SERINC2: variants seen among roughly 807,000 people sequenced by gnomAD.
SERINC2 encodes serine incorporator 2, also known as tumor differentially expressed protein 2.
Under a neutral mutation model 54.2 loss-of-function variants are expected in SERINC2, and 56 were observed. That is an observed-to-expected ratio of 1.03 (90% CI 0.83 to 1.29). SERINC2 has a LOEUF of 1.29. Among genes scored for constraint, SERINC2 ranks in the 50% most tolerant of loss-of-function variants. SERINC2 has a pLI of 0.00. For synonymous variants in SERINC2, 272 were observed against 253.1 expected (o/e 1.07, Z -0.71); for missense variants, 614 against 607.4 (o/e 1.01, Z -0.12).
At chr1:31,418,209 C>T (rs1323634157) in intron 1 of SERINC2, among the ~76,000 whole-genome samples, 1 of 152,100 alleles carries the variant, frequency 6.6e-6, no homozygotes, top group African/African-American at 2.4e-5. Flanking sequence ...TATGGATATA[C>T]CACATTTTGT....
At chr1:31,421,126 G>A (rs969397872) in intron 1 of SERINC2, among the ~76,000 whole-genome samples, 17 of 152,228 alleles carry the variant, frequency 1.1e-4, no homozygotes, top group African/African-American at 4.1e-4. Context: ...ATCAGTGGCA[G>A]CATTAGATTC....
intron 9 of SERINC2, 99 bp downstream of exon 9, chr1:31,433,284 T>A: frequency 1.9e-6 from 2 of 1,030,786 alleles, no homozygotes; most frequent in Non-Finnish European, 2.9e-6. Flanking sequence ...GATGTCTGCT[T>A]AAGGCTTGGG....
intron 1 of SERINC2, among the ~76,000 whole-genome samples, chr1:31,415,548 A>ATGTG (rs1346416506): frequency 6.6e-6 from 1 of 152,190 alleles, no homozygotes; most frequent in East Asian, 1.9e-4. Context: ...CAGTATGTGT[A>ATGTG]TGTGTGTGTA....
intron 1 of SERINC2, among the ~76,000 whole-genome samples, chr1:31,416,268 A>C (rs965769397): frequency 1.3e-5 from 2 of 152,188 alleles, no homozygotes; most frequent in Non-Finnish European, 2.9e-5. Flanking sequence ...ACAGTAGTAC[A>C]TGACTCAAGA....
upstream of SERINC2, chr1:31,413,053 C>A: frequency 1.3e-6 from 1 of 744,242 alleles, no homozygotes; most frequent in Non-Finnish European, 1.7e-6. The surrounding 1 kb of genome is among the most constrained non-coding windows in gnomAD (Gnocchi z 5.0). Context: ...CGGGAATCCC[C>A]GACCGGCCCC....
At chr1:31,410,253 C>T (rs1640625703), upstream of SERINC2, 5 of 1,479,260 alleles carry the variant, frequency 3.4e-6, no homozygotes, top group South Asian at 2.8e-5. Flanking sequence ...GCAGGAGGTT[C>T]AAATCTGGGA....
intron 1 of SERINC2, chr1:31,414,477 A>AGAGAGAGAGAGAGAGAGGG (rs1640735962): frequency 1.2e-6 from 1 of 842,876 alleles, no homozygotes; most frequent in African/African-American, 3.2e-5. Context: ...GAGAGAGAGG[A>AGAGAGAGAGAGAGAGAGGG]GGGGGTGTAG....
intron 1 of SERINC2, among the ~76,000 whole-genome samples, chr1:31,416,120 C>G (rs1405091036): frequency 6.6e-6 from 1 of 152,178 alleles, no homozygotes; most frequent in African/African-American, 2.4e-5. Flanking sequence ...GTCACTTTGC[C>G]CATCCCCTTG....
chr1:31,409,979 C>A, upstream of SERINC2: 1 of 1,010,814 alleles, frequency 9.9e-7, no homozygotes, highest in Non-Finnish European at 1.4e-6. Flanking sequence ...GTGGGTGGTC[C>A]AAGAAGTCAG....
rs1357062737 is a variant in SERINC2 at position 31,434,306 on chromosome 1, C to A, written c.*107C>A. 8.3e-7 allele frequency: 1 copy of A among 1,208,602 alleles called. No homozygotes were observed. The highest frequency in any genetic ancestry group is 1.2e-6 in the Non-Finnish European group (1 of 855,666). The allele number at this position is 1,208,602 out of a possible 1,614,324, so 74.9% of individuals were successfully genotyped here. ...ACACCAATCAGCCAGGCTGAGCCCC[C>A]ACCCCTGCCCCAGCTCCAGGACCTG... On this transcript the variant is annotated 3_prime_UTR_variant, in exon 10 of 10. Coordinates refer to ENST00000373709, the MANE Select transcript of SERINC2 (RefSeq NM_178865.5).
chr1:31,428,931 G>T (rs1641116128), intron 6 of SERINC2, 47 bp from the exon 7 acceptor site: 24 of 1,462,476 alleles, frequency 1.6e-5, no homozygotes, highest in Non-Finnish European at 2.1e-5. Flanking sequence ...GGGTGGGGTG[G>T]GGTGTCTCTG....
chr1:31,426,584 C>T (rs1553133633), intron 5 of SERINC2, 70 bp from the exon 6 acceptor site: 6 of 1,344,364 alleles, frequency 4.5e-6, no homozygotes, highest in South Asian at 2.8e-5. Context: ...CAGGGTCCCT[C>T]GAGGGAGTAG....
At chr1:31,414,517 T>C (rs1640737155) in intron 1 of SERINC2, 1 of 995,282 alleles carries the variant, frequency 1.0e-6, no homozygotes, top group Admixed American at 6.0e-5. Flanking sequence ...AGATTTACTT[T>C]ACAGCCTTTT....
Position 31,434,077 on chromosome 1 carries a change from C to A in SERINC2, c.1246C>A (p.Arg416=). ...GGTGTGTTCCAGGCCCGGTGAGACCCGGAAGATGATCAGCACGTGGACCGC... is the reference window on the plus strand; with the variant it reads ...GGTGTGTTCCAGGCCCGGTGAGACCAGGAAGATGATCAGCACGTGGACCGC... The part of the protein sequence containing the change: ...LTNWYKPGET[R]KMISTWTAVW... The change falls in exon 10 of 10, where the codon CGG becomes AGG. Residue 416 remains arginine (R), a synonymous_variant. Coordinates refer to ENST00000373709, the MANE Select transcript of SERINC2 (RefSeq NM_178865.5). 1 of 1,613,860 alleles carries A rather than the reference C, an allele frequency of 6.2e-7. No individual in the cohort carries two copies. Among genetic ancestry groups the A allele is most frequent in the Non-Finnish European group, 8.5e-7 (1 of 1,179,904 alleles).
intron 8 of SERINC2, among the ~76,000 whole-genome samples, chr1:31,432,110 A>ACAGGGTGGACAGGGTGGT (rs1557501312): frequency 1.0e-5 from 1 of 100,054 alleles, no homozygotes. Context: ...GACAGGGTGG[A>ACAGGGTGGACAGGGTGGT]TAGGGTGGTT....
At chr1:31,422,943 A>G (rs1640937911) in intron 1 of SERINC2, among the ~76,000 whole-genome samples, 1 of 152,242 alleles carries the variant, frequency 6.6e-6, no homozygotes, top group Admixed American at 6.5e-5. Flanking sequence ...GTATAGCCTC[A>G]GAGCCGAAAA....
At chr1:31,432,147 C>CAGGGTGGAG (rs1641299689) in intron 8 of SERINC2, among the ~76,000 whole-genome samples, 2 of 4,770 alleles carry the variant, frequency 4.2e-4, no homozygotes, top group South Asian at 7.2e-3. Context: ...ACAGGGTGGA[C>CAGGGTGGAG]AGGGTGGACA....
chr1:31,429,008 G>A lies in SERINC2; in HGVS notation c.811G>A (p.Ala271Thr). The change falls in exon 7 of 10, where the codon GCC becomes ACC. Residue 271 changes from alanine (A) to threonine (T), a missense_variant. By Grantham distance (58) the Ala-to-Thr change is moderately conservative (BLOSUM62 0). Coordinates refer to ENST00000373709, the MANE Select transcript of SERINC2 (RefSeq NM_178865.5). Reference protein sequence around the residue: ...DAQPNSGLLQASVITLYTMFV... With the variant: ...DAQPNSGLLQTSVITLYTMFV... Reference sequence around the variant, plus strand: ...CCAGCCCAACTCGGGTCTGCTGCAGGCCTCGGTCATCACCCTCTACACCAT... The same window carrying A: ...CCAGCCCAACTCGGGTCTGCTGCAGACCTCGGTCATCACCCTCTACACCAT... The A allele has an allele frequency of 6.2e-7, 1 of 1,613,970 alleles. No individual in the cohort carries two copies. Among genetic ancestry groups the A allele is most frequent in the Non-Finnish European group, 8.5e-7 (1 of 1,179,968 alleles).
At chr1:31,423,620 T>A (rs370909877) in intron 1 of SERINC2, 73 bp from the exon 2 acceptor site, 14 of 1,501,788 alleles carry the variant, frequency 9.3e-6, no homozygotes, top group East Asian at 4.6e-5. Flanking sequence ...TGCGCCGACC[T>A]CTGGGCAGGT....
Sources: gnomAD v4.1 joint callset for allele counts (sites outside exome capture counted in the v4.1 genomes callset) on GRCh38, gnomAD v4.1.1 for gene constraint, Gnocchi (gnomAD v3.1) non-coding constraint, MANE v1.5 for transcripts, NCBI Gene and HGNC (gene_info 2026-07-23, HGNC 2026-07-21) for gene names.